Variants in TCF12 observed in about 807,000 individuals in gnomAD.
The protein encoded by TCF12 is transcription factor 12, also known as DNA-binding protein HTF4.
A neutral mutation model predicts 86.0 loss-of-function variants in TCF12; 45 were observed. The observed-to-expected ratio is 0.52, with a 90% CI of 0.41 to 0.67. The LOEUF is 0.67. TCF12 is among the 30% of genes least tolerant of loss of function. The pLI, the probability that TCF12 is intolerant of heterozygous loss-of-function variation, is 0.00. For synonymous variants in TCF12, 330 were observed against 299.6 expected (o/e 1.10, Z -1.05); for missense variants, 881 against 859.9 (o/e 1.02, Z -0.31).
intron 3 of TCF12, among the ~76,000 whole-genome samples, chr15:57,054,716 T>C (rs1172754213): frequency 1.3e-5 from 2 of 151,470 alleles, no homozygotes; most frequent in African/African-American, 4.9e-5. Flanking sequence ...TCCATTCTTT[T>C]GGGGTGGGAT....
At chr15:57,131,671 A>G (rs576999252) in intron 5 of TCF12, among the ~76,000 whole-genome samples, 7 of 152,306 alleles carry the variant, frequency 4.6e-5, no homozygotes, top group East Asian at 1.9e-4. Flanking sequence ...GTTCATCCCT[A>G]CATGATACTC....
In TCF12 at chr15:57,174,480, C is replaced by T. The variant is rs1261387268; in HGVS notation, c.390+8014C>T. On this transcript the variant is annotated intron_variant, in intron 6 of 20. Transcript: ENST00000333725. ...ATACTTAGTGATGAAAGACTAAATG[C>T]TTCCCACCTAATGTCAGCACCAAGG... 3.9e-5 allele frequency among the ~76,000 whole-genome samples: 6 copies of T among 152,278 alleles called. No homozygotes were observed. The East Asian group carries it at 1.2e-3, about 29-fold the overall frequency.
intron 9 of TCF12, 40 bp downstream of exon 9, chr15:57,231,297 A>G (rs753688080): frequency 3.0e-6 from 4 of 1,355,194 alleles, no homozygotes; most frequent in Admixed American, 1.7e-5. Flanking sequence ...TACTGCAGTC[A>G]TCTGTATATC....
chr15:57,023,442 T>C (rs138826215), intron 3 of TCF12, among the ~76,000 whole-genome samples: 2 of 152,204 alleles, frequency 1.3e-5, no homozygotes, highest in African/African-American at 4.8e-5. Context: ...CAATTGATGA[T>C]CACAACTTAC....
At chr15:57,167,544 G>A (rs753549276) in intron 6 of TCF12, among the ~76,000 whole-genome samples, 4 of 151,784 alleles carry the variant, frequency 2.6e-5, no homozygotes, top group Non-Finnish European at 4.4e-5. Flanking sequence ...CAGGGTGACA[G>A]TAAGACTCTG....
At chr15:57,006,339 T>G (rs1467205697) in intron 3 of TCF12, among the ~76,000 whole-genome samples, 3 of 151,720 alleles carry the variant, frequency 2.0e-5, no homozygotes, top group Non-Finnish European at 4.4e-5. Flanking sequence ...AGTTTCGCTC[T>G]TGTCACCCAG....
chr15:56,971,266 A>G (rs1191026566), intron 3 of TCF12, among the ~76,000 whole-genome samples: 4 of 151,666 alleles, frequency 2.6e-5, no homozygotes, highest in African/African-American at 9.7e-5. Flanking sequence ...TCCACTAAAA[A>G]CAAAAAAAAA....
rs1597836466 is a variant in TCF12 at position 57,275,454 on chromosome 15, C to G, written c.1978+2192C>G. 3.5e-5 allele frequency among the ~76,000 whole-genome samples: 4 copies of G among 113,960 alleles called. No homozygotes were observed. In the South Asian group the frequency reaches 8.0e-4, roughly 23 times the overall value. 74.8% of individuals were successfully genotyped at this position (113,960 alleles called of 152,430 possible). On this transcript the variant is annotated intron_variant, in intron 19 of 20. Coordinates refer to ENST00000333725, the MANE Select transcript of TCF12 (RefSeq NM_207037.2). ...ATAGGCCTGAGCCACCATGCCTGGG[C>G]TCAGACTCCTTGAAGGACACTCTTA...
At chr15:57,148,428 T>C (rs1265083598) in intron 5 of TCF12, among the ~76,000 whole-genome samples, 1 of 143,602 alleles carries the variant, frequency 7.0e-6, no homozygotes, top group African/African-American at 2.5e-5. Flanking sequence ...AAAAAAAAAT[T>C]GTCTAGTTTC....
chr15:57,135,377 C>T (rs2052447147), intron 5 of TCF12, among the ~76,000 whole-genome samples: 1 of 151,982 alleles, frequency 6.6e-6, no homozygotes, highest in African/African-American at 2.4e-5. Flanking sequence ...TGGTAAAATG[C>T]TATGAAAGAG....
intron 14 of TCF12, 61 bp from the exon 15 acceptor site, chr15:57,252,360 A>C: frequency 7.7e-7 from 1 of 1,304,624 alleles, no homozygotes; most frequent in Non-Finnish European, 1.1e-6. Flanking sequence ...CTATTTCCTC[A>C]TCTCTTTTGG....
At chr15:57,059,416 T>C (rs1251258062) in intron 3 of TCF12, among the ~76,000 whole-genome samples, 2 of 152,182 alleles carry the variant, frequency 1.3e-5, no homozygotes, top group African/African-American at 4.8e-5. Flanking sequence ...TCTTGTATGC[T>C]GTCTCCCTGT....
chr15:57,015,701 C>G (rs575190886), intron 3 of TCF12, among the ~76,000 whole-genome samples: 3 of 122,134 alleles, frequency 2.5e-5, no homozygotes, highest in Admixed American at 2.4e-4. Context: ...TCCAAAAAAA[C>G]AAGGACTTAG....
rs372691929 is a variant in TCF12 at position 57,043,661 on chromosome 15, G to A, written c.149-20089G>A. Among the ~76,000 whole-genome samples the A allele has an allele frequency of 4.4e-3, 667 of 152,308 alleles. 11 individuals carry two copies. The highest frequency in any genetic ancestry group is 0.015 in the African/African-American group (639 of 41,576). On this transcript the variant is annotated intron_variant, in intron 3 of 20. Transcript: ENST00000333725. ...TTGATTTAAAACAATATTTAAGTCA[G>A]TAGAATTTTAGCAAAGTAAAAGATA...
At chr15:57,230,695 G>T (rs2059095664) in intron 8 of TCF12, among the ~76,000 whole-genome samples, 1 of 152,038 alleles carries the variant, frequency 6.6e-6, no homozygotes, top group Non-Finnish European at 1.5e-5. Context: ...AACAAAGATA[G>T]CAATGTTTAA....
At chr15:57,149,317 T>C (rs1341032377) in intron 5 of TCF12, among the ~76,000 whole-genome samples, 1 of 152,188 alleles carries the variant, frequency 6.6e-6, no homozygotes, top group Non-Finnish European at 1.5e-5. Context: ...AAATACATGA[T>C]ACTGAATTTG....
At chr15:57,168,816 C>T (rs536783548) in intron 6 of TCF12, among the ~76,000 whole-genome samples, 1 of 152,200 alleles carries the variant, frequency 6.6e-6, no homozygotes, top group Admixed American at 6.5e-5. Context: ...GAGGCCAAGG[C>T]GGGCGGATTG....
chr15:56,996,906 A>G (rs998845308), intron 3 of TCF12, among the ~76,000 whole-genome samples: 2 of 152,264 alleles, frequency 1.3e-5, no homozygotes, highest in East Asian at 1.9e-4. Context: ...AGAAATTCCT[A>G]TCAAAACCAC....
intron 3 of TCF12, among the ~76,000 whole-genome samples, chr15:56,995,471 T>A (rs1262320939): frequency 1.3e-5 from 2 of 151,972 alleles, no homozygotes; most frequent in African/African-American, 4.8e-5. Context: ...TTTATTTGTG[T>A]CATCTCCGAT....
Sources: gnomAD v4.1 joint callset for allele counts (sites outside exome capture counted in the v4.1 genomes callset) on GRCh38, gnomAD v4.1.1 for gene constraint, MANE v1.5 for transcripts, NCBI Gene and HGNC (gene_info 2026-07-23, HGNC 2026-07-21) for gene names.